Variants in DDR1 observed in about 807,000 individuals in gnomAD.
DDR1 encodes discoidin domain receptor tyrosine kinase 1, also known as epithelial discoidin domain-containing receptor 1.
In DDR1, 64 loss-of-function variants were observed where a neutral mutation model predicts 97.4. The observed-to-expected ratio is 0.66, with a 90% CI of 0.54 to 0.81. DDR1 has a LOEUF of 0.81. Ranked by LOEUF, DDR1 falls within the 30% of genes least tolerant of loss-of-function variation. The pLI is 0.00. For synonymous variants in DDR1, 458 were observed against 503.7 expected, an observed-to-expected ratio of 0.91 and a Z score of 1.21; for missense variants, 990 against 1,259.6, an observed-to-expected ratio of 0.79 and a Z score of 3.24.
At position 30,899,451 on chromosome 6, in the gene DDR1, AG is replaced by A; in HGVS notation, c.*158del. 1 of 914,502 alleles carries A rather than the reference AG, an allele frequency of 1.1e-6. No homozygotes were observed. The highest frequency in any genetic ancestry group is 1.6e-6 in the Non-Finnish European group (1 of 626,054). The allele number at this position is 914,502 out of a possible 1,614,324, so 56.6% of individuals were successfully genotyped here. On this transcript the variant is annotated 3_prime_UTR_variant, in exon 18 of 18. Transcript: ENST00000376568. ...GACTGCAGGTGGGCTGGGCCCACCC[AG>A]GGAGCTGATGCCCCTTCTCCCCTTC...
In DDR1 at chr6:30,893,470, C is replaced by T. The variant is rs769140978; in HGVS notation, c.1347+47C>T. ...GGAGTGGCGGGGGGAGGCCAGGCCC[C>T]AGCACGAGCCAGCGTCCAGTGGGAC... On this transcript the variant is annotated intron_variant, in intron 10 of 17. Coordinates refer to ENST00000376568, the MANE Select transcript of DDR1 (RefSeq NM_001297654.2). 3.9e-6 allele frequency: 6 copies of T among 1,558,016 alleles called. No individual in the cohort carries two copies. The South Asian group carries it at 5.9e-5, about 15-fold the overall frequency.
rs1479448413 is a variant in DDR1, at chr6:30,898,826, G to T, written c.2452-62G>T. Reference sequence around the variant, plus strand: ...GTGGATCTGGGGCTTCCAATAGGAAGGGAGGAGGGTCTACGTTGCCTGATG... The same window carrying T: ...GTGGATCTGGGGCTTCCAATAGGAATGGAGGAGGGTCTACGTTGCCTGATG... On this transcript the variant is annotated intron_variant, in intron 16 of 17. Coordinates refer to ENST00000376568, the MANE Select transcript of DDR1 (RefSeq NM_001297654.2). 12 of 1,544,806 alleles carry T rather than the reference G, an allele frequency of 7.8e-6. No homozygotes were observed. In the African/African-American group the frequency reaches 1.1e-4, roughly 14 times the overall value.
upstream of DDR1, among the ~76,000 whole-genome samples, chr6:30,881,756 C>T (rs983020089): frequency 5.3e-5 from 8 of 152,160 alleles, no homozygotes; most frequent in African/African-American, 1.9e-4. Flanking sequence ...TGTCTTCATC[C>T]TCCTTTTCCT....
At position 30,895,467 on chromosome 6, in the gene DDR1, G is replaced by GC. The variant is rs1388126554; in HGVS notation, c.1580dup (p.Thr531HisfsTer21). On this transcript the variant is annotated frameshift_variant, in exon 12 of 18. Transcript: ENST00000376568. LOFTEE classifies it high-confidence loss of function. ...GCCACTTACGCCCGTCCCCCTCGAGGCCCGGGCCCCCCCACACCCGCCTGG... is the reference window on the plus strand; with the variant it reads ...GCCACTTACGCCCGTCCCCCTCGAGGCCCCGGGCCCCCCCACACCCGCCTGG... The GC allele has an allele frequency of 1.9e-6, 3 of 1,606,350 alleles. No homozygotes were observed. The highest frequency in any genetic ancestry group is 2.5e-6 in the Non-Finnish European group (3 of 1,178,568).
chr6:30,896,004 C>T (rs943022111), intron 12 of DDR1, among the ~76,000 whole-genome samples: 1 of 152,008 alleles, frequency 6.6e-6, no homozygotes, highest in Non-Finnish European at 1.5e-5. Context: ...TGGCCCCTTC[C>T]CCAGGGCTAA....
At position 30,889,877 on chromosome 6, in the gene DDR1, T is replaced by C. The variant is rs1027679086; in HGVS notation, c.417+447T>C. Among the ~76,000 whole-genome samples the C allele has an allele frequency of 4.6e-5, 7 of 152,278 alleles. No individual in the cohort carries two copies. The highest frequency in any genetic ancestry group is 1.0e-4 in the Non-Finnish European group (7 of 68,024). ...ATCACCATTGCCTGGTTGCCTAGGC[T>C]ATAAGTTAAGATGATATCCTTGATT... On this transcript the variant is annotated intron_variant, in intron 4 of 17. Coordinates refer to ENST00000376568, the MANE Select transcript of DDR1 (RefSeq NM_001297654.2). This position sits in a 1 kb window ranked among gnomAD's most constrained non-coding sequence, Gnocchi z 4.9.
intron 12 of DDR1, 96 bp from the exon 13 acceptor site, chr6:30,896,525 G>A (rs900040797): frequency 3.4e-6 from 5 of 1,471,180 alleles, no homozygotes; most frequent in Non-Finnish European, 4.6e-6. Context: ...TCAACCGGGA[G>A]ACACAGGGCC....
In DDR1 at chr6:30,892,130, G is replaced by T. The variant is rs767554165; in HGVS notation, c.794G>T (p.Ser265Ile). Residue 265 changes from serine to isoleucine, a missense_variant, in exon 7 of 18, where the codon AGT (serine) becomes ATT (isoleucine). By Grantham distance (142) the Ser-to-Ile change is moderately radical. Coordinates refer to ENST00000376568, the MANE Select transcript of DDR1 (RefSeq NM_001297654.2). ...YVGWSNHSFSSGYVEMEFEFD... is the reference protein window; with the variant it reads ...YVGWSNHSFSIGYVEMEFEFD... ...GGATGGAGCAACCACAGCTTCTCCA[G>T]TGGCTATGTGGAGATGGAGTTTGAG... 2 of 1,614,204 alleles carry T rather than the reference G, an allele frequency of 1.2e-6. No homozygotes were observed. The highest frequency in any genetic ancestry group is 1.7e-6 in the Non-Finnish European group (2 of 1,180,006).
rs946219551 is a variant in DDR1, at chr6:30,888,017, A to G, written c.-42-671A>G. On this transcript the variant is annotated intron_variant, in intron 1 of 17. Coordinates refer to ENST00000376568, the MANE Select transcript of DDR1 (RefSeq NM_001297654.2). The surrounding 1 kb of genome is among the most constrained non-coding windows in gnomAD (Gnocchi z 4.2). ...GATTGCTTTCCAAATAGAAGATAAC[A>G]CTCATTTCTGCCATTGAGCATGGTG... Among the ~76,000 whole-genome samples the G allele has an allele frequency of 6.6e-6, 1 of 151,974 alleles. No homozygotes were observed. Among genetic ancestry groups the G allele is most frequent in the Non-Finnish European group, 1.5e-5 (1 of 68,010 alleles).
In DDR1 at chr6:30,893,128, C is replaced by T. The variant is rs151111058; in HGVS notation, c.1160C>T (p.Pro387Leu). 1.2e-5 allele frequency: 19 copies of T among 1,610,792 alleles called. No homozygotes were observed. Among genetic ancestry groups the T allele is most frequent in the South Asian group, 5.5e-5 (5 of 90,998 alleles). ...GGTFPPAPWW[P>L]PGPPPTNFSS... ...ACCTTCCCGCCAGCCCCCTGGTGGC[C>T]GCCTGGCCCACCTCCCACCAACTTC... Residue 387 changes from proline (P) to leucine (L), a missense_variant, in exon 9 of 18, where the codon CCG becomes CTG. By Grantham distance (98) the Pro-to-Leu change is moderately conservative (BLOSUM62 -3). Coordinates refer to ENST00000376568, the MANE Select transcript of DDR1 (RefSeq NM_001297654.2).
chr6:30,893,523 A>G, intron 10 of DDR1, 100 bp downstream of exon 10: 2 of 1,477,932 alleles, frequency 1.4e-6, no homozygotes, highest in Non-Finnish European at 1.8e-6. Flanking sequence ...CTAGCATCCC[A>G]AGAGGAGGGC....
rs1785063714 is a variant in DDR1 at position 30,884,597 on chromosome 6, C to CGCTCCCG, written c.-143_-137dup. 1.3e-5 allele frequency: 2 copies of CGCTCCCG among 152,308 alleles called. No individual in the cohort carries two copies. The highest frequency in any genetic ancestry group is 1.3e-4 in the Admixed American group (2 of 15,274). The allele number at this position is 152,308 out of a possible 1,614,324, so 9.4% of individuals were successfully genotyped here. On this transcript the variant is annotated 5_prime_UTR_variant, in exon 1 of 18. Transcript: ENST00000376568. The surrounding 1 kb of genome is among the most constrained non-coding windows in gnomAD (Gnocchi z 6.1). Reference sequence around the variant, plus strand: ...ACACCCGAGCCCCGCCGGCGCCTCCCGCTCCCGGCTCCCGGCTCCTGGCTC... The same window carrying CGCTCCCG: ...ACACCCGAGCCCCGCCGGCGCCTCCCGCTCCCGGCTCCCGGCTCCCGGCTCCTGGCTC...
chr6:30,894,913 A>G lies in DDR1; in HGVS notation c.1513+242A>G, dbSNP rs927519183. On this transcript the variant is annotated intron_variant, in intron 11 of 17. Transcript: ENST00000376568. This position sits in a 1 kb window ranked among gnomAD's most constrained non-coding sequence, Gnocchi z 5.7. ...GTCTGTGTCCCACAGACATCTCTCTATCTTTGTTGTACCCTCTCATTGTGT... is the reference window on the plus strand; with the variant it reads ...GTCTGTGTCCCACAGACATCTCTCTGTCTTTGTTGTACCCTCTCATTGTGT... Among the ~76,000 whole-genome samples the G allele has an allele frequency of 2.1e-4, 32 of 151,490 alleles. No homozygotes were observed. Among genetic ancestry groups the G allele is most frequent in the African/African-American group, 7.0e-4 (29 of 41,170 alleles).
chr6:30,896,757 T>C lies in DDR1; in HGVS notation c.1761T>C (p.Ala587=). The change falls in exon 13 of 18, where the codon GCT becomes GCC. Residue 587 remains alanine (A), a synonymous_variant. Transcript: ENST00000376568. ...LQGVTGGNTY[A]VPALPPGAVG... is the part of the protein sequence containing the mutation. The stretch of plus-strand genomic sequence containing the variant: ...GCGTCACCGGGGGCAACACCTATGC[T>C]GTGCCTGCACTGCCCCCAGGGGCAG... 1 of 1,592,462 alleles carries C rather than the reference T, an allele frequency of 6.3e-7. No individual in the cohort carries two copies. The highest frequency in any genetic ancestry group is 1.3e-5 in the African/African-American group (1 of 74,620).
Position 30,899,413 on chromosome 6 carries a change from A to C in DDR1, c.*117A>C. 1 of 1,352,330 alleles carries C rather than the reference A, an allele frequency of 7.4e-7. No individual in the cohort carries two copies. Among genetic ancestry groups the C allele is most frequent in the Non-Finnish European group, 9.9e-7 (1 of 1,007,790 alleles). 83.8% of individuals were successfully genotyped at this position (1,352,330 alleles called of 1,614,324 possible). ...CCCTCCCGACAGCCCATCACCTCTA[A>C]TAGAGGCAGTGAGACTGCAGGTGGG... On this transcript the variant is annotated 3_prime_UTR_variant, in exon 18 of 18. Transcript: ENST00000376568.
In DDR1 at chr6:30,896,706, C is replaced by T. The variant is rs143821899; in HGVS notation, c.1710C>T (p.Ala570=). Residue 570 remains alanine (A), a synonymous_variant, in exon 13 of 18, where the codon GCC becomes GCT. Transcript: ENST00000376568. ...CCCAGAACAGCGTCCCCCATTATGCCGAGGCTGACATTGTTACCCTGCAGG... is the reference window on the plus strand; with the variant it reads ...CCCAGAACAGCGTCCCCCATTATGCTGAGGCTGACATTGTTACCCTGCAGG... ...PPPQNSVPHY[A]EADIVTLQGV... 975 of 1,608,014 alleles carry T rather than the reference C, an allele frequency of 6.1e-4. 4 individuals carry two copies. The highest frequency in any genetic ancestry group is 1.7e-3 in the Middle Eastern group (10 of 6,020).
At chr6:30,899,060 A>G (rs780093457) in intron 17 of DDR1, 23 bp downstream of exon 17, 1 of 1,614,006 alleles carries the variant, frequency 6.2e-7, no homozygotes, top group Non-Finnish European at 8.5e-7. Context: ...GAGAGGGAAG[A>G]TGGGTCCGAG....
rs1036488833 is a variant in DDR1 at position 30,884,938 on chromosome 6, G to C, written c.-43+228G>C. 2.0e-5 allele frequency: 9 copies of C among 442,102 alleles called. No homozygotes were observed. Among genetic ancestry groups the C allele is most frequent in the Non-Finnish European group, 3.2e-5 (8 of 246,710 alleles). 27.4% of individuals were successfully genotyped at this position (442,102 alleles called of 1,614,324 possible). A position where few individuals can be genotyped will look rare whatever the true frequency, so the allele number is the denominator to read the frequency against. On this transcript the variant is annotated intron_variant, in intron 1 of 17. Coordinates refer to ENST00000376568, the MANE Select transcript of DDR1 (RefSeq NM_001297654.2). This position sits in a 1 kb window ranked among gnomAD's most constrained non-coding sequence, Gnocchi z 6.1. ...GGTGAAGCCCGTGACCTCCCAGAAA[G>C]AGTTTTGAGCCTCCAGCCTTGAGGC... is the stretch of plus-strand genomic sequence containing the variant.
At position 30,891,306 on chromosome 6, in the gene DDR1, C is replaced by T; in HGVS notation, c.566-74C>T. 1 of 1,445,318 alleles carries T rather than the reference C, an allele frequency of 6.9e-7. No individual in the cohort carries two copies. Among genetic ancestry groups the T allele is most frequent in the South Asian group, 1.2e-5 (1 of 83,528 alleles). The allele number at this position is 1,445,318 out of a possible 1,614,324, so 89.5% of individuals were successfully genotyped here. On this transcript the variant is annotated intron_variant, in intron 5 of 17. Coordinates refer to ENST00000376568, the MANE Select transcript of DDR1 (RefSeq NM_001297654.2). This position sits in a 1 kb window ranked among gnomAD's most constrained non-coding sequence, Gnocchi z 5.3. ...AGAGATACAAGAAGGGACCTGAAACCTGCCCAGGCCTGATGCAGGGATGGG... is the reference window on the plus strand; with the variant it reads ...AGAGATACAAGAAGGGACCTGAAACTTGCCCAGGCCTGATGCAGGGATGGG...
Sources: gnomAD v4.1 joint callset for allele counts (sites outside exome capture counted in the v4.1 genomes callset) on GRCh38, gnomAD v4.1.1 for gene constraint, Gnocchi (gnomAD v3.1) non-coding constraint, MANE v1.5 for transcripts, NCBI Gene and HGNC (gene_info 2026-07-23, HGNC 2026-07-21) for gene names.